Variants in ARHGEF28 observed in about 807,000 individuals in gnomAD.
The protein encoded by ARHGEF28 is 190 kDa guanine nucleotide exchange factor.
Under a neutral mutation model 206.6 loss-of-function variants are expected in ARHGEF28, and 152 were observed. The observed-to-expected ratio is 0.74, with a 90% CI of 0.64 to 0.84. The LOEUF (loss-of-function observed/expected upper bound fraction) is 0.84. Ranked by LOEUF, ARHGEF28 falls within the 40% of genes least tolerant of loss-of-function variation. The pLI is 0.00. For missense variants in ARHGEF28, 2,028 were observed against 2,073.2 expected, an observed-to-expected ratio of 0.98 and a Z score of 0.42; for synonymous variants, 763 against 776.4, an observed-to-expected ratio of 0.98 and a Z score of 0.29.
At chr5:73,691,282 G>A (rs1205944650) in intron 2 of ARHGEF28, among the ~76,000 whole-genome samples, 1 of 131,266 alleles carries the variant, frequency 7.6e-6, no homozygotes, top group Non-Finnish European at 1.6e-5. Flanking sequence ...ACTAAAATTT[G>A]TTTGGCAAAT....
intron 1 of ARHGEF28, among the ~76,000 whole-genome samples, chr5:73,679,618 G>A (rs1211721822): frequency 6.7e-6 from 1 of 149,018 alleles, no homozygotes; most frequent in African/African-American, 2.5e-5. Context: ...ATCTATATCT[G>A]TAATCTGTTT....
chr5:73,930,242 C>G lies in ARHGEF28; in HGVS notation c.4949-10602C>G, dbSNP rs76050894. Reference sequence around the variant, plus strand: ...AGCAAGATATGAGAACTCCAGTTCCCCCAGATCTTACCCAGCTCATAGCAT... The same window carrying G: ...AGCAAGATATGAGAACTCCAGTTCCGCCAGATCTTACCCAGCTCATAGCAT... On this transcript the variant is annotated intron_variant, in intron 35 of 35. Coordinates refer to ENST00000513042, the MANE Select transcript of ARHGEF28 (RefSeq NM_001177693.2). Among the ~76,000 whole-genome samples, 616 of 152,252 alleles carry G rather than the reference C, an allele frequency of 4.0e-3. 1 individual carries two copies. The highest frequency in any genetic ancestry group is 6.6e-3 in the Non-Finnish European group (450 of 68,020).
chr5:73,726,803 T>C (rs895180338), intron 2 of ARHGEF28, among the ~76,000 whole-genome samples: 6 of 152,224 alleles, frequency 3.9e-5, no homozygotes, highest in Non-Finnish European at 8.8e-5. Context: ...CTATCTTTTT[T>C]TCCCGCTGCC....
At chr5:73,677,916 A>G (rs1746807580) in intron 1 of ARHGEF28, among the ~76,000 whole-genome samples, 1 of 152,248 alleles carries the variant, frequency 6.6e-6, no homozygotes, top group African/African-American at 2.4e-5. Flanking sequence ...AAACTTTCAC[A>G]GATAGAATGA....
rs79436824 is a variant in ARHGEF28, at chr5:73,662,842, G to T, written c.-11-21999G>T. On this transcript the variant is annotated intron_variant, in intron 1 of 35. Coordinates refer to ENST00000513042, the MANE Select transcript of ARHGEF28 (RefSeq NM_001177693.2). ...TAGAATGTAGGAACCTGCCTGTGAG[G>T]AATACTCTTTCTGGAGAAGTTTTGG... is the stretch of plus-strand genomic sequence containing the variant. 9.8e-3 allele frequency among the ~76,000 whole-genome samples: 1,498 copies of T among 152,264 alleles called. 29 individuals are homozygous for T. The highest frequency in any genetic ancestry group is 0.034 in the African/African-American group (1,418 of 41,544).
intron 1 of ARHGEF28, among the ~76,000 whole-genome samples, chr5:73,675,200 C>G (rs553887328): frequency 6.6e-6 from 1 of 152,158 alleles, no homozygotes; most frequent in African/African-American, 2.4e-5. Context: ...TTGGAGGACA[C>G]CCAGCTTGTG....
intron 4 of ARHGEF28, among the ~76,000 whole-genome samples, chr5:73,772,762 A>G (rs952746800): frequency 6.6e-6 from 1 of 152,200 alleles, no homozygotes; most frequent in Non-Finnish European, 1.5e-5. Context: ...GGGAAGGATC[A>G]TAATGTAGTT....
chr5:73,775,000 A>C (rs1222459677), intron 5 of ARHGEF28, among the ~76,000 whole-genome samples: 5 of 152,222 alleles, frequency 3.3e-5, no homozygotes, highest in Non-Finnish European at 5.9e-5. Context: ...TTAGAGTAGA[A>C]ATCAGAGCTT....
chr5:73,936,614 T>G (rs1764432415), intron 35 of ARHGEF28, among the ~76,000 whole-genome samples: 1 of 152,250 alleles, frequency 6.6e-6, no homozygotes, highest in Non-Finnish European at 1.5e-5. Context: ...CAATCCTTCA[T>G]GAGCTGAAGC....
At position 73,894,579 on chromosome 5, in the gene ARHGEF28, A is replaced by G. The variant is rs760502425; in HGVS notation, c.3841+4A>G. 1.2e-6 allele frequency: 2 copies of G among 1,613,132 alleles called. No individual in the cohort carries two copies. Among genetic ancestry groups the G allele is most frequent in the Non-Finnish European group, 1.7e-6 (2 of 1,179,620 alleles). On this transcript the variant is annotated splice_donor_region_variant and intron_variant, in intron 29 of 35. Coordinates refer to ENST00000513042, the MANE Select transcript of ARHGEF28 (RefSeq NM_001177693.2). ...CTGGCAGCAGCACTGAAAGAAGGTA[A>G]ACTGCTGTGAGAAGGGTTTGGGTCG...
chr5:73,772,685 G>C (rs1202955255), intron 4 of ARHGEF28, among the ~76,000 whole-genome samples: 4 of 152,238 alleles, frequency 2.6e-5, no homozygotes, highest in African/African-American at 7.2e-5. Context: ...GCCTTATAAG[G>C]GTTTTTAATG....
At chr5:73,787,287 A>G (rs1462266433) in intron 7 of ARHGEF28, among the ~76,000 whole-genome samples, 1 of 152,246 alleles carries the variant, frequency 6.6e-6, no homozygotes, top group Non-Finnish European at 1.5e-5. Flanking sequence ...TATCTGGTCA[A>G]GCACTTGAAA....
Position 73,786,790 on chromosome 5 carries a change from T to G in ARHGEF28, c.910+6045T>G, listed in dbSNP as rs560716708. Among the ~76,000 whole-genome samples, 8 of 152,322 alleles carry G rather than the reference T, an allele frequency of 5.3e-5. No homozygotes were observed. In the South Asian group the frequency reaches 1.4e-3, roughly 28 times the overall value. On this transcript the variant is annotated intron_variant, in intron 7 of 35. Transcript: ENST00000513042. ...AACATAGTGGATGTTTACTGAATGA[T>G]GTCTAATCATGAGTGCAAGTTATAT...
chr5:73,684,273 T>G (rs1163385846), intron 1 of ARHGEF28, among the ~76,000 whole-genome samples: 1 of 152,200 alleles, frequency 6.6e-6, no homozygotes, highest in Non-Finnish European at 1.5e-5. Flanking sequence ...CTATTCTACT[T>G]TTTTCTATGA....
At chr5:73,780,972 C>G (rs184270185) in intron 7 of ARHGEF28, among the ~76,000 whole-genome samples, 5 of 152,252 alleles carry the variant, frequency 3.3e-5, no homozygotes, top group African/African-American at 4.8e-5. Flanking sequence ...TGCTGTTTGC[C>G]GGGACCTGGG....
At chr5:73,837,292 T>G (rs1757703701) in intron 10 of ARHGEF28, among the ~76,000 whole-genome samples, 1 of 152,200 alleles carries the variant, frequency 6.6e-6, no homozygotes, top group South Asian at 2.1e-4. Flanking sequence ...TTCCAATCCA[T>G]GAACACAGGA....
intron 4 of ARHGEF28, among the ~76,000 whole-genome samples, chr5:73,770,455 G>A (rs372990454): frequency 1.3e-5 from 2 of 152,174 alleles, no homozygotes; most frequent in African/African-American, 4.8e-5. Context: ...TGCCATTACA[G>A]CAATTATTAG....
rs140625164 is a variant in ARHGEF28, at chr5:73,767,443, T to C, written c.476-6412T>C. Reference sequence around the variant, plus strand: ...GATTATAGCAATATGGACAATAAATTCCAGGCTGAGGTAGTCTCTGATGGA... The same window carrying C: ...GATTATAGCAATATGGACAATAAATCCCAGGCTGAGGTAGTCTCTGATGGA... On this transcript the variant is annotated intron_variant, in intron 4 of 35. Coordinates refer to ENST00000513042, the MANE Select transcript of ARHGEF28 (RefSeq NM_001177693.2). 9.4e-3 allele frequency among the ~76,000 whole-genome samples: 1,433 copies of C among 152,254 alleles called. 14 individuals are homozygous for C. The highest frequency in any genetic ancestry group is 0.017 in the Middle Eastern group (5 of 294).
chr5:73,799,691 A>G (rs1755022078), intron 9 of ARHGEF28, among the ~76,000 whole-genome samples: 1 of 152,218 alleles, frequency 6.6e-6, no homozygotes, highest in Non-Finnish European at 1.5e-5. Context: ...TGAATATCTT[A>G]TGACTATTTG....
Sources: allele counts gnomAD v4.1 joint callset (sites outside exome capture counted in the v4.1 genomes callset), GRCh38; gene constraint gnomAD v4.1.1; transcripts MANE v1.5; gene names NCBI Gene and HGNC (gene_info 2026-07-23, HGNC 2026-07-21).